PTPRD: variants seen among roughly 807,000 people sequenced by gnomAD.
PTPRD encodes the protein protein tyrosine phosphatase receptor type D, also known as receptor-type tyrosine-protein phosphatase delta.
In PTPRD, 34 loss-of-function variants were observed where a neutral mutation model predicts 214.5. The ratio of observed to expected loss-of-function variants is 0.16; its 90% CI spans 0.12 to 0.21. PTPRD has a LOEUF of 0.21. Among genes scored for constraint, PTPRD ranks in the 10% least tolerant of loss-of-function variants. PTPRD has a pLI of 1.00. For missense variants in PTPRD, 2,545 were observed against 2,398.7 expected, an observed-to-expected ratio of 1.06 and a Z score of -1.27; for synonymous variants, 1,128 against 845.7, an observed-to-expected ratio of 1.33 and a Z score of -5.79.
intron 11 of PTPRD, among the ~76,000 whole-genome samples, chr9:8,801,608 C>T (rs370758424): frequency 6.6e-5 from 10 of 152,238 alleles, no homozygotes; most frequent in Admixed American, 1.3e-4. Flanking sequence ...CCCAGCTCCT[C>T]AGGAGGCTGA....
rs530256350 is a variant in PTPRD, at chr9:10,229,818, G to A, written c.-545+111145C>T. On this transcript the variant is annotated intron_variant, in intron 3 of 45. Coordinates refer to ENST00000381196, the MANE Select transcript of PTPRD (RefSeq NM_002839.4). ...GTATACATATGTAACAAACCTGCAC[G>A]TTATGCACATGTACCCTAAAACTTA... Among the ~76,000 whole-genome samples, 23 of 151,708 alleles carry A rather than the reference G, an allele frequency of 1.5e-4. No individual in the cohort carries two copies. In the South Asian group the frequency reaches 3.5e-3, roughly 23 times the overall value.
chr9:10,578,379 G>A (rs1307688209), intron 2 of PTPRD, among the ~76,000 whole-genome samples: 31 of 151,958 alleles, frequency 2.0e-4, no homozygotes, highest in Admixed American at 2.0e-3. Context: ...TATATTATCT[G>A]AATAGTTATG....
intron 10 of PTPRD, among the ~76,000 whole-genome samples, chr9:9,052,908 A>G (rs2099689110): frequency 6.6e-6 from 1 of 152,176 alleles, no homozygotes; most frequent in South Asian, 2.1e-4. Flanking sequence ...TGTGCCTGTC[A>G]TCTTTCCACT....
chr9:8,542,504 G>C (rs1343503447), intron 14 of PTPRD, among the ~76,000 whole-genome samples: 2 of 152,216 alleles, frequency 1.3e-5, no homozygotes, highest in Non-Finnish European at 2.9e-5. Context: ...AATTATCAGG[G>C]ATGGCTTTCT....
At chr9:8,767,377 A>T (rs2094837976) in intron 11 of PTPRD, among the ~76,000 whole-genome samples, 1 of 152,136 alleles carries the variant, frequency 6.6e-6, no homozygotes, top group Non-Finnish European at 1.5e-5. Context: ...TTGGCCTCTC[A>T]AAGTGCTGGG....
At chr9:8,676,906 A>G (rs1028326296) in intron 12 of PTPRD, among the ~76,000 whole-genome samples, 1 of 152,184 alleles carries the variant, frequency 6.6e-6, no homozygotes, top group Non-Finnish European at 1.5e-5. Context: ...TTGTTAAAAA[A>G]ACGGAGTGCT....
intron 3 of PTPRD, among the ~76,000 whole-genome samples, chr9:10,198,467 G>A (rs2099406714): frequency 1.3e-5 from 2 of 152,090 alleles, no homozygotes; most frequent in Admixed American, 6.6e-5. Flanking sequence ...GCTGAAAGTT[G>A]TAATGATTGC....
At chr9:8,792,659 A>G (rs2096274401) in intron 11 of PTPRD, among the ~76,000 whole-genome samples, 1 of 152,214 alleles carries the variant, frequency 6.6e-6, no homozygotes, top group Non-Finnish European at 1.5e-5. Context: ...AAATGAAATT[A>G]TATATCTCGA....
chr9:10,441,550 T>C (rs932896053), intron 2 of PTPRD, among the ~76,000 whole-genome samples: 2 of 123,448 alleles, frequency 1.6e-5, no homozygotes, highest in Non-Finnish European at 3.2e-5. Context: ...CAATAAAGTA[T>C]TTTTTTTTCC....
intron 2 of PTPRD, among the ~76,000 whole-genome samples, chr9:10,399,441 A>C (rs950170051): frequency 1.3e-5 from 2 of 152,000 alleles, no homozygotes; most frequent in African/African-American, 4.8e-5. Flanking sequence ...CATTTTCATA[A>C]GTGTTATTTA....
At chr9:8,951,051 A>G (rs1439846045) in intron 11 of PTPRD, among the ~76,000 whole-genome samples, 1 of 152,136 alleles carries the variant, frequency 6.6e-6, no homozygotes, top group Admixed American at 6.6e-5. Context: ...TAGTAAGTAA[A>G]GAGTTTTACA....
At chr9:10,331,503 T>C (rs533689691) in intron 3 of PTPRD, among the ~76,000 whole-genome samples, 191 of 151,908 alleles carry the variant, frequency 1.3e-3, no homozygotes, top group African/African-American at 4.5e-3. Flanking sequence ...TAACTAGTCT[T>C]GAAGTGGTTA....
chr9:8,926,174 G>A (rs928223053), intron 11 of PTPRD, among the ~76,000 whole-genome samples: 1 of 151,844 alleles, frequency 6.6e-6, no homozygotes, highest in Non-Finnish European at 1.5e-5. Context: ...TCCTCTGACT[G>A]GAATACCTTT....
In PTPRD at chr9:10,600,202, T is replaced by C. The variant is rs551464771; in HGVS notation, c.-600+12196A>G. On this transcript the variant is annotated intron_variant, in intron 2 of 45. Transcript: ENST00000381196. Reference sequence around the variant, plus strand: ...AAACCATTATATAAATCAATTTTCTTTAAAGATCTTTTTTAATTGGTAATT... The same window carrying C: ...AAACCATTATATAAATCAATTTTCTCTAAAGATCTTTTTTAATTGGTAATT... Among the ~76,000 whole-genome samples the C allele has an allele frequency of 2.6e-5, 4 of 151,900 alleles. No individual in the cohort carries two copies. In the East Asian group the frequency reaches 7.8e-4, roughly 30 times the overall value.
rs149762085 is a variant in PTPRD, at chr9:8,436,169, T to C, written c.4086+423A>G. 3.0e-3 allele frequency among the ~76,000 whole-genome samples: 455 copies of C among 152,186 alleles called. 5 individuals are homozygous for C. Among genetic ancestry groups the C allele is most frequent in the African/African-American group, 0.011 (446 of 41,554 alleles). The stretch of plus-strand genomic sequence containing the variant: ...AAGAAGTCAAACTCATAGCAGTAGA[T>C]AATAGAGTGGTGATTACCAATGGAG... On this transcript the variant is annotated intron_variant, in intron 35 of 45. Transcript: ENST00000381196.
chr9:10,133,019 G>A (rs1035323779), intron 3 of PTPRD, among the ~76,000 whole-genome samples: 1 of 152,212 alleles, frequency 6.6e-6, no homozygotes, highest in South Asian at 2.1e-4. Context: ...ACTTGTTCTA[G>A]AGGAAGTCAA....
intron 10 of PTPRD, among the ~76,000 whole-genome samples, chr9:9,100,889 T>C (rs913185824): frequency 3.9e-5 from 6 of 152,176 alleles, no homozygotes; most frequent in Non-Finnish European, 7.4e-5. Flanking sequence ...ATACTGTGTG[T>C]ATAATCATAA....
At chr9:10,356,231 A>T (rs1235678546) in intron 2 of PTPRD, among the ~76,000 whole-genome samples, 15 of 152,204 alleles carry the variant, frequency 9.9e-5, no homozygotes. Flanking sequence ...TAGCAACAAG[A>T]AGTAAAGTGG....
intron 7 of PTPRD, among the ~76,000 whole-genome samples, chr9:9,592,793 C>G (rs1477096306): frequency 7.9e-5 from 12 of 151,952 alleles, no homozygotes; most frequent in Non-Finnish European, 1.6e-4. Flanking sequence ...ACCTGTAATC[C>G]CAGCACTTTG....
Sources: allele counts gnomAD v4.1 joint callset (sites outside exome capture counted in the v4.1 genomes callset), GRCh38; gene constraint gnomAD v4.1.1; transcripts MANE v1.5; gene names NCBI Gene and HGNC (gene_info 2026-07-23, HGNC 2026-07-21).